Variants in SKIL observed in about 807,000 individuals in gnomAD.
SKIL encodes ski-like protein.
Under a neutral mutation model 69.6 loss-of-function variants are expected in SKIL, and 20 were observed. The observed-to-expected ratio is 0.29, with a 90% confidence interval of 0.20 to 0.42. The LOEUF is 0.42. Among genes scored for constraint, SKIL ranks in the 10% least tolerant of loss-of-function variants. The pLI, the probability that SKIL is intolerant of heterozygous loss-of-function variation, is 1.00. For missense variants in SKIL, 745 were observed against 783.1 expected, an observed-to-expected ratio of 0.95 and a Z score of 0.58; for synonymous variants, 310 against 279.9, an observed-to-expected ratio of 1.11 and a Z score of -1.08.
intron 2 of SKIL, among the ~76,000 whole-genome samples, chr3:170,361,970 G>A (rs973381077): frequency 1.3e-5 from 2 of 152,110 alleles, no homozygotes; most frequent in South Asian, 2.1e-4. Flanking sequence ...GATAATTTGC[G>A]CTTTGGTGTT....
At chr3:170,370,444 C>T (rs910506767) in intron 2 of SKIL, among the ~76,000 whole-genome samples, 355 of 13,688 alleles carry the variant, frequency 0.026, 53 homozygotes, top group Non-Finnish European at 0.042. Context: ...AGAGAGCCCC[C>T]CCCCCCCCCC....
chr3:170,374,225 A>T (rs1165684300), intron 2 of SKIL, among the ~76,000 whole-genome samples: 1 of 151,362 alleles, frequency 6.6e-6, no homozygotes, highest in African/African-American at 2.4e-5. Flanking sequence ...GAATTGTTTA[A>T]ATTGTACATT....
At chr3:170,366,677 A>G (rs1168942226) in intron 2 of SKIL, among the ~76,000 whole-genome samples, 2 of 76,296 alleles carry the variant, frequency 2.6e-5, no homozygotes, top group African/African-American at 5.1e-5. Flanking sequence ...CTCAAAACAC[A>G]CACACACACA....
At chr3:170,389,311 C>G (rs866581116) in intron 4 of SKIL, among the ~76,000 whole-genome samples, 7 of 147,750 alleles carry the variant, frequency 4.7e-5, no homozygotes, top group Admixed American at 2.0e-4. Flanking sequence ...AAAGATTATT[C>G]TTTCCTTTTT....
intron 2 of SKIL, 142 bp downstream of exon 2, chr3:170,361,571 A>C: frequency 1.4e-6 from 1 of 703,252 alleles, no homozygotes; most frequent in Non-Finnish European, 2.4e-6. Flanking sequence ...TTTGTATTGC[A>C]GTTTTTAGGC....
At chr3:170,378,869 ATTTATTTATTTATTTT>A (rs1737182659) in intron 2 of SKIL, among the ~76,000 whole-genome samples, 1 of 148,084 alleles carries the variant, frequency 6.8e-6, no homozygotes. Flanking sequence ...TTATTTATTT[ATTTATTTATTTATTTT>A]TTTTATCTTG....
At position 170,392,674 on chromosome 3, in the gene SKIL, A is replaced by G. The variant is rs913039967; in HGVS notation, c.*257A>G. ...ACAATACTATATGGTTTCAACTAGT[A>G]GGTAATCTGCTTATATTTCTAATGC... On this transcript the variant is annotated 3_prime_UTR_variant, in exon 7 of 7. Transcript: ENST00000259119. The G allele has an allele frequency of 8.8e-6, 2 of 226,796 alleles. No homozygotes were observed. The highest frequency in any genetic ancestry group is 4.5e-5 in the African/African-American group (2 of 44,102). 14.0% of individuals were successfully genotyped at this position (226,796 alleles called of 1,614,324 possible). A position where few individuals can be genotyped will look rare whatever the true frequency, so the allele number is the denominator to read the frequency against.
At chr3:170,388,351 T>G (rs572650036) in intron 4 of SKIL, among the ~76,000 whole-genome samples, 1 of 152,006 alleles carries the variant, frequency 6.6e-6, no homozygotes, top group Admixed American at 6.6e-5. Context: ...AATGCTAGGT[T>G]GTTTTACTAT....
At position 170,395,249 on chromosome 3, in the gene SKIL, A is replaced by G. The variant is rs1738133175; in HGVS notation, c.*2832A>G. On this transcript the variant is annotated 3_prime_UTR_variant, in exon 7 of 7. Transcript: ENST00000259119. ...TGAGGAAGCTCTTCAACTACCCTAAATTTCACAAATGTAACTTATAACACT... is the reference window on the plus strand; with the variant it reads ...TGAGGAAGCTCTTCAACTACCCTAAGTTTCACAAATGTAACTTATAACACT... 6.6e-6 allele frequency: 1 copy of G among 152,118 alleles called. No individual in the cohort carries two copies. Among genetic ancestry groups the G allele is most frequent in the African/African-American group, 2.4e-5 (1 of 41,444 alleles). The allele number at this position is 152,118 out of a possible 1,614,324, so 9.4% of individuals were successfully genotyped here. A position where few individuals can be genotyped will look rare whatever the true frequency, so the allele number is the denominator to read the frequency against.
intron 2 of SKIL, among the ~76,000 whole-genome samples, chr3:170,369,420 A>G (rs1424221857): frequency 6.6e-6 from 1 of 151,270 alleles, no homozygotes; most frequent in African/African-American, 2.4e-5. Context: ...TTTTTTTTTG[A>G]TAAGGAGTTT....
rs59222162 is a variant in SKIL, at chr3:170,365,752, C to CTTTTTTTTTTTTTTTT, written c.1098+4329_1098+4344dup. Among the ~76,000 whole-genome samples, 321 of 106,414 alleles carry CTTTTTTTTTTTTTTTT rather than the reference C, an allele frequency of 3.0e-3. 23 individuals are homozygous for CTTTTTTTTTTTTTTTT. The highest frequency in any genetic ancestry group is 0.012 in the African/African-American group (303 of 25,176). 69.8% of individuals were successfully genotyped at this position (106,414 alleles called of 152,430 possible). On this transcript the variant is annotated intron_variant, in intron 2 of 6. Transcript: ENST00000259119. ...GCTCATTTTAAAAAGTCAAACTAGG[C>CTTTTTTTTTTTTTTTT]TTTTTTTTTTTTTTTTTTTTTGAGA...
intron 5 of SKIL, 151 bp from the exon 6 acceptor site, chr3:170,390,885 G>T: frequency 2.0e-6 from 1 of 509,470 alleles, no homozygotes; most frequent in Non-Finnish European, 3.5e-6. Context: ...AAAATTTTTT[G>T]AGAAAATAGT....
chr3:170,393,914 T>C lies in SKIL; in HGVS notation c.*1497T>C, dbSNP rs1738053451. 1 of 152,106 alleles carries C rather than the reference T, an allele frequency of 6.6e-6. No individual in the cohort carries two copies. Among genetic ancestry groups the C allele is most frequent in the African/African-American group, 2.4e-5 (1 of 41,428 alleles). 9.4% of individuals were successfully genotyped at this position (152,106 alleles called of 1,614,324 possible). A position where few individuals can be genotyped will look rare whatever the true frequency, so the allele number is the denominator to read the frequency against. Reference sequence around the variant, plus strand: ...CACTAGGTTGTCATTTAACCAGTTATTTTCATATTTTGCTTAATAGTACAT... The same window carrying C: ...CACTAGGTTGTCATTTAACCAGTTACTTTCATATTTTGCTTAATAGTACAT... On this transcript the variant is annotated 3_prime_UTR_variant, in exon 7 of 7. Coordinates refer to ENST00000259119, the MANE Select transcript of SKIL (RefSeq NM_005414.5).
chr3:170,382,561 C>T (rs1006611290), intron 3 of SKIL, among the ~76,000 whole-genome samples: 8 of 151,534 alleles, frequency 5.3e-5, no homozygotes, highest in African/African-American at 1.9e-4. Context: ...TGAGCGCCAG[C>T]TGTCACTCCT....
intron 3 of SKIL, 93 bp downstream of exon 3, chr3:170,381,434 T>A (rs1577435074): frequency 4.2e-5 from 10 of 239,522 alleles, no homozygotes; most frequent in Non-Finnish European, 8.6e-5. Context: ...AATTTAATTA[T>A]TTATTTATTT....
Position 170,362,746 on chromosome 3 carries a change from C to T in SKIL, c.1098+1317C>T, listed in dbSNP as rs1231490352. ...AGGAGAATCGCTTGAACCTGGGAAG[C>T]GGAGGTTGCAGTAAGCCGAGATCAC... On this transcript the variant is annotated intron_variant, in intron 2 of 6. Coordinates refer to ENST00000259119, the MANE Select transcript of SKIL (RefSeq NM_005414.5). Among the ~76,000 whole-genome samples, 3 of 150,610 alleles carry T rather than the reference C, an allele frequency of 2.0e-5. No individual in the cohort carries two copies. The Admixed American group carries it at 2.0e-4, about 10-fold the overall frequency.
chr3:170,361,551 GATTGATATATTTGT>G, intron 2 of SKIL, 122 bp downstream of exon 2: 1 of 786,402 alleles, frequency 1.3e-6, no homozygotes, highest in East Asian at 2.6e-5. Flanking sequence ...ACAAAATACC[GATTGATATATTTGT>G]ATTGCAGTTT....
At chr3:170,368,843 G>A (rs922814790) in intron 2 of SKIL, among the ~76,000 whole-genome samples, 21 of 151,948 alleles carry the variant, frequency 1.4e-4, no homozygotes, top group African/African-American at 4.8e-4. Flanking sequence ...CATTATTTTC[G>A]ACTTGTTACC....
At chr3:170,385,982 G>A (rs918071401) in intron 4 of SKIL, among the ~76,000 whole-genome samples, 2 of 151,468 alleles carry the variant, frequency 1.3e-5, no homozygotes, top group Admixed American at 1.3e-4. Context: ...AGTAGAGACG[G>A]GTTTTCTCCA....
Sources: allele counts gnomAD v4.1 joint callset (sites outside exome capture counted in the v4.1 genomes callset), GRCh38; gene constraint gnomAD v4.1.1; transcripts MANE v1.5; gene names NCBI Gene and HGNC (gene_info 2026-07-23, HGNC 2026-07-21).